The following IFNGR2 variants were observed in gnomAD, a reference collection of about 807,000 sequenced individuals.
IFNGR2 encodes the protein interferon gamma receptor 2.
In IFNGR2, 15 loss-of-function variants were observed where a neutral mutation model predicts 41.1. The observed-to-expected ratio is 0.37, with a 90% CI of 0.24 to 0.56. The LOEUF (loss-of-function observed/expected upper bound fraction) is 0.56, where lower values mean the gene tolerates loss of function less well. Ranked by LOEUF, IFNGR2 falls within the 20% of genes least tolerant of loss-of-function variation. The pLI is 0.81. For missense variants in IFNGR2, 362 were observed against 415.7 expected (o/e 0.87, Z 1.12); for synonymous variants, 161 against 171.6 (o/e 0.94, Z 0.48).
chr21:33,426,104 CACTTCTCA>C (rs1330443283), intron 3 of IFNGR2, among the ~76,000 whole-genome samples: 1 of 151,560 alleles, frequency 6.6e-6, no homozygotes, highest in Admixed American at 6.6e-5. Flanking sequence ...TACATGGCAA[CACTTCTCA>C]GTTATTGTGT....
At position 33,427,729 on chromosome 21, in the gene IFNGR2, T is replaced by C. The variant is rs2123359773; in HGVS notation, c.561+697T>C. Among the ~76,000 whole-genome samples the C allele has an allele frequency of 1.3e-5, 2 of 152,284 alleles. 1 individual carries two copies. The highest frequency in any genetic ancestry group is 4.2e-4 in the South Asian group (2 of 4,818). ...GGTTCTGTTATCTATGGGAACTTCA[T>C]GATTTCCTAAATTCAACATTATGAT... On this transcript the variant is annotated intron_variant, in intron 4 of 6. Coordinates refer to ENST00000290219, the MANE Select transcript of IFNGR2 (RefSeq NM_005534.4).
intron 2 of IFNGR2, among the ~76,000 whole-genome samples, chr21:33,418,430 G>A (rs1396985972): frequency 6.6e-6 from 1 of 152,076 alleles, no homozygotes; most frequent in Non-Finnish European, 1.5e-5. Context: ...GGTGAAATCG[G>A]GGATGATTTC....
At chr21:33,418,549 G>A (rs2083769243) in intron 2 of IFNGR2, among the ~76,000 whole-genome samples, 1 of 152,064 alleles carries the variant, frequency 6.6e-6, no homozygotes, top group African/African-American at 2.4e-5. Context: ...TATTAGTTTT[G>A]AGGCTTGTGA....
chr21:33,435,860 G>A (rs2083941307), intron 6 of IFNGR2, among the ~76,000 whole-genome samples: 1 of 114,980 alleles, frequency 8.7e-6, no homozygotes, highest in Non-Finnish European at 1.6e-5. Flanking sequence ...CTCCAGCCTG[G>A]CAACAGAGCA....
chr21:33,410,563 G>A (rs1601068745), intron 1 of IFNGR2, among the ~76,000 whole-genome samples: 1 of 151,888 alleles, frequency 6.6e-6, no homozygotes, highest in Non-Finnish European at 1.5e-5. Context: ...CCACTGCCGG[G>A]TTCAAATGAT....
At chr21:33,413,887 C>CAATGGTGCG (rs2083734260) in intron 1 of IFNGR2, among the ~76,000 whole-genome samples, 1 of 124,718 alleles carries the variant, frequency 8.0e-6, no homozygotes, top group Non-Finnish European at 1.6e-5. Flanking sequence ...GACTGGAGTG[C>CAATGGTGCG]AATGGTGCGA....
intron 1 of IFNGR2, among the ~76,000 whole-genome samples, chr21:33,406,191 A>T (rs1241469797): frequency 1.3e-5 from 2 of 152,086 alleles, no homozygotes; most frequent in African/African-American, 4.8e-5. Context: ...TGTGGCCAAC[A>T]TGTTAAAAAC....
In IFNGR2 at chr21:33,432,763, G is replaced by C. The variant is rs115458101; in HGVS notation, c.771G>C (p.Ser257=). 6.2e-7 allele frequency: 1 copy of C among 1,613,930 alleles called. No individual in the cohort carries two copies. The highest frequency in any genetic ancestry group is 8.5e-7 in the Non-Finnish European group (1 of 1,179,988). ...QVILISVGTF[S]LLSVLAGACF... ...TCCTGATCTCCGTGGGAACATTTTC[G>C]TTGCTGTCGGTGCTGGCAGGAGCCT... The change falls in exon 6 of 7, where the codon TCG becomes TCC. Residue 257 remains serine (S), a synonymous_variant. Transcript: ENST00000290219.
intron 5 of IFNGR2, 31 bp from the exon 6 acceptor site, chr21:33,432,683 C>A: frequency 6.2e-7 from 1 of 1,610,926 alleles, no homozygotes; most frequent in Non-Finnish European, 8.5e-7. Context: ...GTAGGAAGAT[C>A]ATTCTGTTCA....
chr21:33,403,597 C>A lies in IFNGR2; in HGVS notation c.54C>A (p.Ala18=). The A allele has an allele frequency of 7.3e-7, 1 of 1,370,638 alleles. No individual in the cohort carries two copies. Among genetic ancestry groups the A allele is most frequent in the South Asian group, 1.6e-5 (1 of 61,800 alleles). 84.9% of individuals were successfully genotyped at this position (1,370,638 alleles called of 1,614,324 possible). The change falls in exon 1 of 7, where the codon GCC becomes GCA. Residue 18 remains alanine (A), a synonymous_variant. Transcript: ENST00000290219. ...SLLLLLGVFA[A]AAAAPPDPLS... ...TGCTGCTGCTCGGAGTCTTCGCCGC[C>A]GCCGCCGCGGCCCCGCCAGGTGAGC...
chr21:33,435,209 T>C (rs541844912), intron 6 of IFNGR2, among the ~76,000 whole-genome samples: 1 of 152,232 alleles, frequency 6.6e-6, no homozygotes, highest in East Asian at 1.9e-4. Context: ...AAACACCCCT[T>C]TATATGTTAA....
chr21:33,406,252 T>A (rs2083676720), intron 1 of IFNGR2, among the ~76,000 whole-genome samples: 1 of 151,932 alleles, frequency 6.6e-6, no homozygotes, highest in South Asian at 2.1e-4. Context: ...GGTTGGCGCC[T>A]GTAATCCCAG....
chr21:33,404,627 C>G (rs965955922), intron 1 of IFNGR2, among the ~76,000 whole-genome samples: 5 of 152,118 alleles, frequency 3.3e-5, no homozygotes, highest in Admixed American at 1.3e-4. Context: ...GGAGGTCTCA[C>G]TGTGTTGCCC....
chr21:33,428,624 A>G lies in IFNGR2; in HGVS notation c.561+1592A>G, dbSNP rs568604899. ...GGAAATAGGGAAAAATCATTTCTCCATATCAGAGCTCAAGATCTGGGTCGA... is the reference window on the plus strand; with the variant it reads ...GGAAATAGGGAAAAATCATTTCTCCGTATCAGAGCTCAAGATCTGGGTCGA... On this transcript the variant is annotated intron_variant, in intron 4 of 6. Transcript: ENST00000290219. Among the ~76,000 whole-genome samples the G allele has an allele frequency of 2.3e-4, 35 of 152,298 alleles. No individual in the cohort carries two copies. In the South Asian group the frequency reaches 6.8e-3, roughly 30 times the overall value.
chr21:33,431,776 G>A (rs2123367601), intron 4 of IFNGR2, among the ~76,000 whole-genome samples: 1 of 152,172 alleles, frequency 6.6e-6, no homozygotes, highest in East Asian at 1.9e-4. Context: ...TTGCAATGTT[G>A]GCCAGGCTGG....
intron 2 of IFNGR2, among the ~76,000 whole-genome samples, chr21:33,417,128 G>GC (rs1418400295): frequency 6.7e-6 from 1 of 150,254 alleles, no homozygotes; most frequent in Non-Finnish European, 1.5e-5. Context: ...GTCTCACTCT[G>GC]CCCCCCAGGC....
chr21:33,408,817 T>C (rs544312815), intron 1 of IFNGR2, among the ~76,000 whole-genome samples: 1 of 151,832 alleles, frequency 6.6e-6, no homozygotes, highest in South Asian at 2.1e-4. Flanking sequence ...CCAGGAAGAG[T>C]TGAAGAAAGT....
At chr21:33,436,290 T>C (rs567076111) in intron 6 of IFNGR2, among the ~76,000 whole-genome samples, 3 of 146,722 alleles carry the variant, frequency 2.0e-5, no homozygotes, top group Non-Finnish European at 4.5e-5. Flanking sequence ...GATCGTGTCA[T>C]TGCACTCCAG....
intron 4 of IFNGR2, 43 bp downstream of exon 4, chr21:33,427,075 C>G (rs2083844853): frequency 6.4e-7 from 1 of 1,561,940 alleles, no homozygotes; most frequent in African/African-American, 1.4e-5. Flanking sequence ...CTTTTCTTTG[C>G]AGTTTCTGGC....
Sources: allele counts gnomAD v4.1 joint callset (sites outside exome capture counted in the v4.1 genomes callset), GRCh38; gene constraint gnomAD v4.1.1; transcripts MANE v1.5; gene names NCBI Gene and HGNC (gene_info 2026-07-23, HGNC 2026-07-21).